ZC3H18: variants seen among roughly 807,000 people sequenced by gnomAD.
ZC3H18 encodes zinc finger CCCH-type containing 18.
A neutral mutation model predicts 106.1 loss-of-function variants in ZC3H18; 8 were observed. The ratio of observed to expected loss-of-function variants is 0.08; its 90% CI spans 0.04 to 0.14. ZC3H18 has a LOEUF of 0.14. Ranked by LOEUF, ZC3H18 falls within the 10% of genes least tolerant of loss-of-function variation. ZC3H18 has a pLI of 1.00. For synonymous variants in ZC3H18, 635 were observed against 522.1 expected (o/e 1.22, Z -2.95); for missense variants, 1,318 against 1,278.4 (o/e 1.03, Z -0.47).
chr16:88,593,414 C>T (rs568954275), intron 3 of ZC3H18, among the ~76,000 whole-genome samples: 6 of 152,268 alleles, frequency 3.9e-5, no homozygotes, highest in East Asian at 1.9e-4. Flanking sequence ...CAGAGGAGGT[C>T]GGCACAAGAT....
At chr16:88,628,935 G>C (rs1415077601) in intron 16 of ZC3H18, 81 bp downstream of exon 16, 1 of 1,398,924 alleles carries the variant, frequency 7.1e-7, no homozygotes. Flanking sequence ...AGACCCCATT[G>C]CTCTTAACAA....
rs779203585 is a variant in ZC3H18 at position 88,624,026 on chromosome 16, C to A, written c.1862C>A (p.Thr621Asn). Residue 621 changes from threonine (T) to asparagine (N), a missense_variant, in exon 11 of 18, where the codon ACC becomes AAC. Physicochemically the swap from Thr to Asn is moderately conservative, Grantham distance 65. Transcript: ENST00000301011. Reference protein sequence around the residue: ...TPSPHRPSIRTKGEPAPPPGK... With the variant: ...TPSPHRPSIRNKGEPAPPPGK... ...TCCCCACATAGACCTTCCATCAGAA[C>A]CAAGGGAGAGCCGGCCCCGCCGCCC... 4.3e-6 allele frequency: 7 copies of A among 1,614,104 alleles called. No homozygotes were observed. The highest frequency in any genetic ancestry group is 5.9e-6 in the Non-Finnish European group (7 of 1,179,972).
At chr16:88,581,379 A>G (rs991103353) in intron 2 of ZC3H18, among the ~76,000 whole-genome samples, 2 of 152,174 alleles carry the variant, frequency 1.3e-5, no homozygotes, top group African/African-American at 2.4e-5. Context: ...TGAACTGATT[A>G]TGGGGTACAC....
At chr16:88,578,235 G>C (rs1226731069) in intron 2 of ZC3H18, among the ~76,000 whole-genome samples, 2 of 152,322 alleles carry the variant, frequency 1.3e-5, no homozygotes, top group Admixed American at 6.5e-5. Context: ...CACCAGCTGG[G>C]CCAGGCCTCT....
intron 2 of ZC3H18, among the ~76,000 whole-genome samples, chr16:88,580,938 G>T (rs1915090861): frequency 1.3e-5 from 2 of 152,168 alleles, no homozygotes; most frequent in African/African-American, 4.8e-5. Flanking sequence ...CTTCGCAAAT[G>T]GATGTTTCTG....
Position 88,624,725 on chromosome 16 carries a change from A to G in ZC3H18, c.2022A>G (p.Pro674=). The G allele has an allele frequency of 3.7e-6, 6 of 1,612,914 alleles. No homozygotes were observed. Among genetic ancestry groups the G allele is most frequent in the Non-Finnish European group, 5.1e-6 (6 of 1,179,754 alleles). ...DPREARRKER[P]ARTPPRRRTL... ...GGGAAGCCAGGAGGAAGGAGCGGCC[A>G]GCCAGGACCCCCCCCAGGAGGTGAG... is the stretch of plus-strand genomic sequence containing the variant. Residue 674 remains proline, a synonymous_variant, in exon 12 of 18, where the codon CCA becomes CCG. Coordinates refer to ENST00000301011, the MANE Select transcript of ZC3H18 (RefSeq NM_144604.4).
intron 6 of ZC3H18, among the ~76,000 whole-genome samples, chr16:88,607,269 T>A (rs1905057667): frequency 6.6e-6 from 1 of 152,244 alleles, no homozygotes; most frequent in Non-Finnish European, 1.5e-5. Flanking sequence ...TGGCACTGGC[T>A]TAATTATACA....
chr16:88,593,789 G>A (rs1441665766), intron 3 of ZC3H18, among the ~76,000 whole-genome samples: 1 of 152,250 alleles, frequency 6.6e-6, no homozygotes, highest in Non-Finnish European at 1.5e-5. Context: ...AGTGTTAGCA[G>A]TATTAAAATT....
In ZC3H18 at chr16:88,577,384, G is replaced by T. The variant is rs1914823710; in HGVS notation, c.261G>T (p.Glu87Asp). The part of the protein sequence containing the change: ...KSQDQDSEVN[E>D]LSRGPTSSPC... ...AAGACCAGGACTCAGAGGTGAATGA[G>T]CTGAGCCGGGGCCCGACCAGCTCCC... The change falls in exon 2 of 18, where the codon GAG becomes GAT. Residue 87 changes from glutamate (E) to aspartate (D), a missense_variant. Around this residue, in one of 6 missense-constraint regions of ZC3H18, gnomAD observed 346 missense variants for 269.0 expected, o/e 1.29. Coordinates refer to ENST00000301011, the MANE Select transcript of ZC3H18 (RefSeq NM_144604.4). 6.3e-7 allele frequency: 1 copy of T among 1,596,652 alleles called. No individual in the cohort carries two copies.
intron 6 of ZC3H18, among the ~76,000 whole-genome samples, chr16:88,601,970 G>C (rs1294393946): frequency 2.0e-5 from 3 of 152,210 alleles, no homozygotes; most frequent in Non-Finnish European, 4.4e-5. Flanking sequence ...GCATCTAAGG[G>C]AAGGGTGGGT....
At chr16:88,607,108 G>A (rs1023277852) in intron 6 of ZC3H18, among the ~76,000 whole-genome samples, 1 of 152,174 alleles carries the variant, frequency 6.6e-6, no homozygotes, top group African/African-American at 2.4e-5. Flanking sequence ...GGGGAAGAGA[G>A]CCTGACCTTC....
chr16:88,589,221 G>A lies in ZC3H18; in HGVS notation c.688+2537G>A, dbSNP rs186868049. ...ATGTTGGAGCCCTCATTCACTGCTC[G>A]TGAGAGGGTAAAACGGTGCAGCTGC... On this transcript the variant is annotated intron_variant, in intron 3 of 17. Transcript: ENST00000301011. Among the ~76,000 whole-genome samples the A allele has an allele frequency of 2.6e-5, 4 of 152,326 alleles. No individual in the cohort carries two copies. In the East Asian group the frequency reaches 7.7e-4, roughly 29 times the overall value.
At position 88,588,888 on chromosome 16, in the gene ZC3H18, A is replaced by G. The variant is rs918461779; in HGVS notation, c.688+2204A>G. Among the ~76,000 whole-genome samples the G allele has an allele frequency of 1.8e-4, 26 of 147,510 alleles. 1 individual carries two copies. Among genetic ancestry groups the G allele is most frequent in the African/African-American group, 4.2e-4 (17 of 40,336 alleles). On this transcript the variant is annotated intron_variant, in intron 3 of 17. Transcript: ENST00000301011. ...GGCGACAGTGAGACTCAGTCTCTTG[A>G]AAAAAAAAAAGTCAGAAGCTAGATA... is the stretch of plus-strand genomic sequence containing the variant.
chr16:88,611,662 G>C (rs548963116), intron 8 of ZC3H18, 126 bp downstream of exon 8: 2 of 1,375,594 alleles, frequency 1.5e-6, no homozygotes, highest in African/African-American at 2.9e-5. Context: ...ACCAGTGCAG[G>C]CCCACAGCCC....
chr16:88,593,174 C>A (rs1915852409), intron 3 of ZC3H18, among the ~76,000 whole-genome samples: 1 of 152,198 alleles, frequency 6.6e-6, no homozygotes, highest in Non-Finnish European at 1.5e-5. Context: ...CGCATGATGA[C>A]ACGGAGGCCC....
Position 88,625,310 on chromosome 16 carries a change from G to C in ZC3H18, c.2108+43G>C. 2.6e-6 allele frequency: 4 copies of C among 1,556,572 alleles called. 1 individual carries two copies. The highest frequency in any genetic ancestry group is 2.6e-6 in the Non-Finnish European group (3 of 1,149,766). On this transcript the variant is annotated intron_variant, in intron 13 of 17. Coordinates refer to ENST00000301011, the MANE Select transcript of ZC3H18 (RefSeq NM_144604.4). ...GTGCCTCTGTTTCTCCCTCCCCGTCGGGGCCAGGAAGTCCCAGAAGCAGCC... is the reference window on the plus strand; with the variant it reads ...GTGCCTCTGTTTCTCCCTCCCCGTCCGGGCCAGGAAGTCCCAGAAGCAGCC...
chr16:88,629,953 G>A lies in ZC3H18; in HGVS notation c.2567-532G>A, dbSNP rs189332587. Among the ~76,000 whole-genome samples the A allele has an allele frequency of 2.6e-5, 4 of 152,366 alleles. No individual in the cohort carries two copies. In the East Asian group the frequency reaches 7.7e-4, roughly 29 times the overall value. On this transcript the variant is annotated intron_variant, in intron 16 of 17. Transcript: ENST00000301011. ...CTTTGTCCCTAAGCCCAGGGCCTGT[G>A]CCCTGTGTGGCTGGTCTGGAACAGC...
intron 3 of ZC3H18, among the ~76,000 whole-genome samples, chr16:88,593,984 T>C (rs1301694902): frequency 6.6e-6 from 1 of 152,198 alleles, no homozygotes; most frequent in African/African-American, 2.4e-5. Flanking sequence ...TAGGGTTCAA[T>C]TGCAGCTCGC....
At chr16:88,623,935 G>A (rs370283005) in intron 10 of ZC3H18, 23 bp from the exon 11 acceptor site, 67 of 1,593,480 alleles carry the variant, frequency 4.2e-5, no homozygotes, top group African/African-American at 3.4e-4. Context: ...GGCCCCTTCC[G>A]ACACCTTTGT....
Sources: allele counts gnomAD v4.1 joint callset (sites outside exome capture counted in the v4.1 genomes callset), GRCh38; gene constraint gnomAD v4.1.1; regional missense constraint gnomAD v4.1.1; transcripts MANE v1.5; gene names NCBI Gene and HGNC (gene_info 2026-07-23, HGNC 2026-07-21).